The following RANBP17 variants were observed in gnomAD, a reference collection of about 807,000 sequenced individuals.
RANBP17 encodes the protein RAN binding protein 17.
In RANBP17, 158 loss-of-function variants were observed where a neutral mutation model predicts 141.2. The observed-to-expected ratio is 1.12, with a 90% CI of 0.98 to 1.28. RANBP17 has a LOEUF of 1.28. Among genes scored for constraint, RANBP17 ranks in the 50% most tolerant of loss-of-function variants. The pLI, the probability that RANBP17 is intolerant of heterozygous loss-of-function variation, is 0.00. For synonymous variants in RANBP17, 430 were observed against 450.0 expected, an observed-to-expected ratio of 0.96 and a Z score of 0.56; for missense variants, 1,438 against 1,290.7, an observed-to-expected ratio of 1.11 and a Z score of -1.75.
Position 170,985,176 on chromosome 5 carries a change from T to G in RANBP17, c.1710+16799T>G, listed in dbSNP as rs905709935. Among the ~76,000 whole-genome samples the G allele has an allele frequency of 4.0e-5, 6 of 151,786 alleles. No homozygotes were observed. In the East Asian group the frequency reaches 1.2e-3, roughly 29 times the overall value. On this transcript the variant is annotated intron_variant, in intron 14 of 27. Coordinates refer to ENST00000523189, the MANE Select transcript of RANBP17 (RefSeq NM_022897.5). ...ACACACAGACACACACACACACATCTTAGCTTCTGAATATCTACCAAAAGT... is the reference window on the plus strand; with the variant it reads ...ACACACAGACACACACACACACATCGTAGCTTCTGAATATCTACCAAAAGT...
chr5:171,144,784 A>C (rs1372021294), intron 14 of RANBP17, among the ~76,000 whole-genome samples: 4 of 152,166 alleles, frequency 2.6e-5, no homozygotes, highest in Non-Finnish European at 5.9e-5. Context: ...GAGACAGGAT[A>C]ATTTGTAGTT....
At chr5:171,246,504 C>G (rs1332818102) in intron 24 of RANBP17, among the ~76,000 whole-genome samples, 1 of 152,076 alleles carries the variant, frequency 6.6e-6, no homozygotes, top group Admixed American at 6.6e-5. Context: ...TATAATTTGT[C>G]CTGTTTTCTA....
chr5:171,174,934 A>C (rs1431166597), intron 16 of RANBP17, among the ~76,000 whole-genome samples: 1 of 151,830 alleles, frequency 6.6e-6, no homozygotes, highest in Non-Finnish European at 1.5e-5. Flanking sequence ...ATTTCTCCTA[A>C]TGCTATCCCT....
intron 16 of RANBP17, among the ~76,000 whole-genome samples, chr5:171,177,149 G>T (rs1581796166): frequency 6.6e-6 from 1 of 152,068 alleles, no homozygotes; most frequent in Non-Finnish European, 1.5e-5. Context: ...AGGAAATGTT[G>T]ATTTATTTCA....
Position 170,894,486 on chromosome 5 carries a change from T to TTATATA in RANBP17, c.424-1548_424-1543dup, listed in dbSNP as rs3080623. ...CCATAGAATAGTTAGTACGTGTTTT[T>TTATATA]TATATATATATATATATATATGGCT... On this transcript the variant is annotated intron_variant, in intron 4 of 27. Transcript: ENST00000523189. Among the ~76,000 whole-genome samples the TTATATA allele has an allele frequency of 5.7e-4, 76 of 133,310 alleles. 3 individuals carry two copies. The highest frequency in any genetic ancestry group is 1.9e-3 in the African/African-American group (64 of 34,236). The allele number at this position is 133,310 out of a possible 152,430, so 87.5% of individuals were successfully genotyped here.
At chr5:171,015,516 A>G (rs138530795) in intron 14 of RANBP17, among the ~76,000 whole-genome samples, 5 of 152,194 alleles carry the variant, frequency 3.3e-5, no homozygotes, top group Non-Finnish European at 5.9e-5. Flanking sequence ...ATGTCTCTAA[A>G]TATATTTTCT....
At chr5:171,195,336 G>A (rs1179325093) in intron 18 of RANBP17, among the ~76,000 whole-genome samples, 1 of 152,174 alleles carries the variant, frequency 6.6e-6, no homozygotes, top group African/African-American at 2.4e-5. Context: ...ACCAGAAATA[G>A]TAAATGATAC....
At chr5:171,075,895 G>T (rs994951408) in intron 14 of RANBP17, among the ~76,000 whole-genome samples, 1 of 152,156 alleles carries the variant, frequency 6.6e-6, no homozygotes, top group Non-Finnish European at 1.5e-5. Flanking sequence ...GGAGGTTGCA[G>T]TGAGCCGAGA....
Position 171,150,818 on chromosome 5 carries a change from T to A in RANBP17, c.1711-19312T>A, listed in dbSNP as rs541911170. ...GTCAGAGGTGGTGCATTTTGTTTAGTTAGAAGTGAACACACTTCATTTGGT... is the reference window on the plus strand; with the variant it reads ...GTCAGAGGTGGTGCATTTTGTTTAGATAGAAGTGAACACACTTCATTTGGT... On this transcript the variant is annotated intron_variant, in intron 14 of 27. Coordinates refer to ENST00000523189, the MANE Select transcript of RANBP17 (RefSeq NM_022897.5). 6.6e-5 allele frequency among the ~76,000 whole-genome samples: 10 copies of A among 152,338 alleles called. No homozygotes were observed. In the East Asian group the frequency reaches 1.9e-3, roughly 29 times the overall value.
chr5:171,205,391 TAGAA>T, intron 19 of RANBP17, 129 bp from the exon 20 acceptor site: 1 of 672,322 alleles, frequency 1.5e-6, no homozygotes, highest in South Asian at 1.9e-5. Context: ...TGCTTTTCTG[TAGAA>T]AGAGGTCTGA....
rs574281219 is a variant in RANBP17 at position 170,987,543 on chromosome 5, A to T, written c.1710+19166A>T. On this transcript the variant is annotated intron_variant, in intron 14 of 27. Transcript: ENST00000523189. ...ATTAGTATTCAGATAGGCCTTTTTA[A>T]AAAAAAAATAATTTCTCTATACCGC... Among the ~76,000 whole-genome samples, 111 of 17,224 alleles carry T rather than the reference A, an allele frequency of 6.4e-3. 1 individual carries two copies. In the South Asian group the frequency reaches 0.3, roughly 47 times the overall value. The allele number at this position is 17,224 out of a possible 152,430, so 11.3% of individuals were successfully genotyped here. A position where few individuals can be genotyped will look rare whatever the true frequency, so the allele number is the denominator to read the frequency against.
intron 14 of RANBP17, among the ~76,000 whole-genome samples, chr5:171,131,991 T>C (rs964975117): frequency 3.3e-5 from 5 of 152,312 alleles, no homozygotes; most frequent in Admixed American, 2.6e-4. Flanking sequence ...TCTATTAATC[T>C]GAGAATAATC....
At chr5:171,065,297 T>TG (rs1297201289) in intron 14 of RANBP17, among the ~76,000 whole-genome samples, 3 of 150,892 alleles carry the variant, frequency 2.0e-5, no homozygotes, top group Non-Finnish European at 4.4e-5. Context: ...TTCCACAGAA[T>TG]GGGGGGGTGG....
At chr5:171,083,913 G>A (rs1041383551) in intron 14 of RANBP17, among the ~76,000 whole-genome samples, 2 of 151,314 alleles carry the variant, frequency 1.3e-5, no homozygotes, top group Admixed American at 6.6e-5. Flanking sequence ...GGAACTGTAA[G>A]TCCAATAAAC....
At position 170,951,617 on chromosome 5, in the gene RANBP17, C is replaced by G. The variant is rs531474642; in HGVS notation, c.1469-1980C>G. On this transcript the variant is annotated intron_variant, in intron 12 of 27. Transcript: ENST00000523189. The stretch of plus-strand genomic sequence containing the variant: ...ATGGGGGTAGGATGCAGAATGACAG[C>G]TAGTATGAAAATGTTCTAAAATTAG... Among the ~76,000 whole-genome samples the G allele has an allele frequency of 1.4e-4, 21 of 152,140 alleles. 1 individual carries two copies. In the South Asian group the frequency reaches 4.4e-3, roughly 32 times the overall value.
At chr5:171,220,682 A>G (rs902727049) in intron 21 of RANBP17, among the ~76,000 whole-genome samples, 1 of 152,048 alleles carries the variant, frequency 6.6e-6, no homozygotes, top group African/African-American at 2.4e-5. Flanking sequence ...TCCTGACCTC[A>G]GGTGATCCAC....
At chr5:171,166,557 G>C (rs1236012449) in intron 14 of RANBP17, among the ~76,000 whole-genome samples, 1 of 151,898 alleles carries the variant, frequency 6.6e-6, no homozygotes, top group African/African-American at 2.4e-5. Flanking sequence ...TGTAGAAAGT[G>C]TTAAAAACTC....
chr5:171,230,716 C>T (rs986460018), intron 22 of RANBP17, among the ~76,000 whole-genome samples: 4 of 152,164 alleles, frequency 2.6e-5, no homozygotes, highest in Middle Eastern at 3.4e-3. Context: ...GAGCTGAGAT[C>T]GCACCTTTGC....
chr5:171,109,156 T>C (rs188723871), intron 14 of RANBP17, among the ~76,000 whole-genome samples: 30 of 152,322 alleles, frequency 2.0e-4, no homozygotes, highest in African/African-American at 7.0e-4. Context: ...TTTTAAAATA[T>C]GGAATATGTA....
Sources: allele counts gnomAD v4.1 joint callset (sites outside exome capture counted in the v4.1 genomes callset), GRCh38; gene constraint gnomAD v4.1.1; transcripts MANE v1.5; gene names NCBI Gene and HGNC (gene_info 2026-07-23, HGNC 2026-07-21).